The following RNF144A variants were observed in gnomAD, a reference collection of about 807,000 sequenced individuals.
RNF144A encodes the protein E3 ubiquitin-protein ligase RNF144A.
Under a neutral mutation model 38.7 loss-of-function variants are expected in RNF144A, and 11 were observed. The observed-to-expected ratio is 0.28, with a 90% CI of 0.18 to 0.47. The LOEUF is 0.47. Ranked by LOEUF, RNF144A falls within the 20% of genes least tolerant of loss-of-function variation. The probability of loss-of-function intolerance (pLI) is 0.99; values close to 1 mark genes in which losing one functional copy is unlikely to be tolerated. For synonymous variants in RNF144A, 149 were observed against 143.9 expected (o/e 1.04, Z -0.25); for missense variants, 316 against 377.2 (o/e 0.84, Z 1.34).
intron 1 of RNF144A, among the ~76,000 whole-genome samples, chr2:6,924,512 G>T (rs979009891): frequency 2.6e-5 from 4 of 152,134 alleles, no homozygotes; most frequent in African/African-American, 9.6e-5. Flanking sequence ...TAGAGAAGGG[G>T]GTGCTCTGAG....
At chr2:7,056,120 C>T (rs1235507424) in intron 6 of RNF144A, among the ~76,000 whole-genome samples, 2 of 152,178 alleles carry the variant, frequency 1.3e-5, no homozygotes, top group Non-Finnish European at 2.9e-5. Context: ...CTTTATTTCT[C>T]TGTGGTCTTG....
chr2:7,031,946 A>G (rs1672334779), intron 8 of RNF144A, among the ~76,000 whole-genome samples: 1 of 152,262 alleles, frequency 6.6e-6, no homozygotes, highest in Non-Finnish European at 1.5e-5. Context: ...GGCAGGTGGA[A>G]GTGACTGTGG....
At chr2:7,067,826 G>A (rs1674296614) in intron 6 of RNF144A, among the ~76,000 whole-genome samples, 1 of 152,174 alleles carries the variant, frequency 6.6e-6, no homozygotes, top group Admixed American at 6.5e-5. Context: ...ACGCTGCTAA[G>A]TCAGTTTATC....
intron 3 of RNF144A, among the ~76,000 whole-genome samples, chr2:6,999,907 C>G (rs1273688492): frequency 6.6e-6 from 1 of 152,208 alleles, no homozygotes; most frequent in African/African-American, 2.4e-5. Flanking sequence ...GACACCGCAT[C>G]CTTGTCCACA....
chr2:6,994,586 T>A (rs748206136), intron 2 of RNF144A, among the ~76,000 whole-genome samples: 6 of 152,098 alleles, frequency 3.9e-5, no homozygotes, highest in Non-Finnish European at 7.4e-5. Context: ...GACGCCTTGA[T>A]GTCTGTACCC....
chr2:6,957,212 C>T (rs1192304462), intron 2 of RNF144A, among the ~76,000 whole-genome samples: 1 of 152,172 alleles, frequency 6.6e-6, no homozygotes, highest in African/African-American at 2.4e-5. Context: ...ACGTGCTTGC[C>T]TCTGTTGAAT....
intron 2 of RNF144A, among the ~76,000 whole-genome samples, chr2:6,947,126 T>C (rs1666387686): frequency 2.6e-5 from 4 of 152,158 alleles, no homozygotes; most frequent in Admixed American, 2.6e-4. Context: ...GGAACAAAAT[T>C]GATCTTGAAT....
At chr2:6,924,419 G>A (rs984230738) in intron 1 of RNF144A, among the ~76,000 whole-genome samples, 1 of 152,236 alleles carries the variant, frequency 6.6e-6, no homozygotes, top group African/African-American at 2.4e-5. Context: ...GTGCCCATCC[G>A]AGCGCATGTC....
intron 2 of RNF144A, among the ~76,000 whole-genome samples, chr2:6,972,472 G>A (rs768506486): frequency 2.6e-5 from 4 of 152,162 alleles, no homozygotes; most frequent in Non-Finnish European, 5.9e-5. Flanking sequence ...TGGGTGGAAC[G>A]GAAATAGCCC....
intron 2 of RNF144A, among the ~76,000 whole-genome samples, chr2:6,970,937 G>A (rs1667966622): frequency 6.6e-6 from 1 of 152,036 alleles, no homozygotes; most frequent in Non-Finnish European, 1.5e-5. Flanking sequence ...ACAAAGTCAT[G>A]TGCAAAACTA....
chr2:6,934,683 A>G (rs984881083), intron 1 of RNF144A, among the ~76,000 whole-genome samples: 5 of 152,048 alleles, frequency 3.3e-5, no homozygotes. Context: ...TTGTCTGAAA[A>G]CTGTTTAGTG....
rs973488559 is a variant in RNF144A at position 7,025,368 on chromosome 2, A to C, written c.657+852A>C. The stretch of plus-strand genomic sequence containing the variant: ...TAGTTTTAGAATAATTTATTGATGC[A>C]TACTTTTTTAAGAACTATAATTAGG... On this transcript the variant is annotated intron_variant, in intron 7 of 8. Coordinates refer to ENST00000320892, the MANE Select transcript of RNF144A (RefSeq NM_014746.6). 2.0e-5 allele frequency among the ~76,000 whole-genome samples: 3 copies of C among 152,214 alleles called. No homozygotes were observed. The South Asian group carries it at 6.2e-4, about 32-fold the overall frequency.
intron 8 of RNF144A, among the ~76,000 whole-genome samples, chr2:7,034,659 G>A (rs1490010587): frequency 6.6e-6 from 1 of 152,238 alleles, no homozygotes; most frequent in African/African-American, 2.4e-5. Flanking sequence ...GCAAGGCAGG[G>A]TGAGACATTA....
At chr2:7,074,156 G>C in the RNF144A span, among the ~76,000 whole-genome samples, 1 of 152,204 alleles carries the variant, frequency 6.6e-6, no homozygotes, top group African/African-American at 2.4e-5. Context: ...TCTGTTGTAT[G>C]TTCCTGGTTT....
intron 5 of RNF144A, among the ~76,000 whole-genome samples, chr2:7,017,522 C>T (rs993594449): frequency 2.6e-5 from 4 of 152,080 alleles, no homozygotes; most frequent in Admixed American, 1.3e-4. Flanking sequence ...CTGGGTGCAT[C>T]GTTCTCTGTC....
intron 1 of RNF144A, among the ~76,000 whole-genome samples, chr2:6,923,020 T>C (rs1664641915): frequency 6.6e-6 from 1 of 152,198 alleles, no homozygotes; most frequent in Non-Finnish European, 1.5e-5. Context: ...CCTCCGTCGC[T>C]GACTGGTCTG....
chr2:6,923,060 A>G (rs1351606570), intron 1 of RNF144A, among the ~76,000 whole-genome samples: 2 of 152,138 alleles, frequency 1.3e-5, no homozygotes, highest in Non-Finnish European at 2.9e-5. Context: ...CCAGCATTCT[A>G]GAGTGAACTC....
At chr2:7,049,023 A>G (rs1361792253), downstream of RNF144A, among the ~76,000 whole-genome samples, 1 of 152,168 alleles carries the variant, frequency 6.6e-6, no homozygotes, top group Non-Finnish European at 1.5e-5. Context: ...AGTGTAGACA[A>G]TTACTCTCCT....
Position 6,958,731 on chromosome 2 carries a change from T to A in RNF144A, c.-12+17584T>A, listed in dbSNP as rs1667157284. 1.3e-5 allele frequency among the ~76,000 whole-genome samples: 2 copies of A among 152,114 alleles called. No homozygotes were observed. Among genetic ancestry groups the A allele is most frequent in the Admixed American group, 1.3e-4 (2 of 15,288 alleles). ...GGTCCCAGGCTGGCTGCCTTCCCAA[T>A]CAGACAGTTGCTTCTGTGCATCCCG... is the stretch of plus-strand genomic sequence containing the variant. On this transcript the variant is annotated intron_variant, in intron 2 of 8. Coordinates refer to ENST00000320892, the MANE Select transcript of RNF144A (RefSeq NM_014746.6). The surrounding 1 kb of genome is among the most constrained non-coding windows in gnomAD (Gnocchi z 4.5).
Sources: allele counts gnomAD v4.1 joint callset (sites outside exome capture counted in the v4.1 genomes callset), GRCh38; gene constraint gnomAD v4.1.1; non-coding constraint Gnocchi (gnomAD v3.1); transcripts MANE v1.5; gene names NCBI Gene and HGNC (gene_info 2026-07-23, HGNC 2026-07-21).